The following PHGDH variants were observed in gnomAD, a reference collection of about 807,000 sequenced individuals.
PHGDH encodes D-3-phosphoglycerate dehydrogenase.
A neutral mutation model predicts 52.6 loss-of-function variants in PHGDH; 50 were observed. The observed-to-expected ratio is 0.95, with a 90% confidence interval of 0.76 to 1.20. PHGDH has a LOEUF of 1.20. Among genes scored for constraint, PHGDH ranks in the 50% most tolerant of loss-of-function variants. The pLI is 0.00. For missense variants in PHGDH, 630 were observed against 684.6 expected, an observed-to-expected ratio of 0.92 and a Z score of 0.89; for synonymous variants, 271 against 280.5, an observed-to-expected ratio of 0.97 and a Z score of 0.34.
At chr1:119,732,716 C>T (rs1476459676) in intron 5 of PHGDH, among the ~76,000 whole-genome samples, 2 of 152,244 alleles carry the variant, frequency 1.3e-5, no homozygotes, top group African/African-American at 4.8e-5. Context: ...GTGCTTCGCT[C>T]ACCCCTGAGG....
At chr1:119,717,913 GGGGACTGATGA>G (rs1157045326) in intron 1 of PHGDH, among the ~76,000 whole-genome samples, 9 of 152,218 alleles carry the variant, frequency 5.9e-5, no homozygotes, top group Middle Eastern at 3.4e-3. Flanking sequence ...TGTGAGGATG[GGGGACTGATGA>G]GGGTGGTTTC....
chr1:119,721,743 T>G (rs147833628), intron 2 of PHGDH: 1 of 192,370 alleles, frequency 5.2e-6, no homozygotes, highest in East Asian at 1.3e-4. Context: ...TCAGCTCTAC[T>G]TTACTGTGCT....
intron 3 of PHGDH, among the ~76,000 whole-genome samples, chr1:119,725,725 G>A (rs1273615050): frequency 6.6e-6 from 1 of 152,220 alleles, no homozygotes; most frequent in Non-Finnish European, 1.5e-5. Context: ...TGAAAGCACG[G>A]AAGTAGCAGC....
At chr1:119,730,381 A>G (rs975772227) in intron 5 of PHGDH, among the ~76,000 whole-genome samples, 1 of 152,230 alleles carries the variant, frequency 6.6e-6, no homozygotes, top group African/African-American at 2.4e-5. Flanking sequence ...AAAGGAATGC[A>G]TTCTCATATA....
At chr1:119,722,910 A>T (rs930664586) in intron 2 of PHGDH, among the ~76,000 whole-genome samples, 33 of 151,948 alleles carry the variant, frequency 2.2e-4, no homozygotes, top group Middle Eastern at 3.4e-3. Flanking sequence ...AAAAAAAAAA[A>T]AAAAAGCCAG....
In PHGDH at chr1:119,741,733, C is replaced by T. The variant is rs761486082; in HGVS notation, c.1079-34C>T. ...GCCCCCTCCTGTAGTGCTCAACAAA[C>T]AGTGACCTCATGGTAGCTTCTCTCT... On this transcript the variant is annotated intron_variant, in intron 9 of 11. Transcript: ENST00000641023. 4 of 1,606,260 alleles carry T rather than the reference C, an allele frequency of 2.5e-6. No individual in the cohort carries two copies. The African/African-American group carries it at 5.4e-5, about 22-fold the overall frequency.
Position 119,721,339 on chromosome 1 carries a change from C to A in PHGDH, c.290+18C>A, listed in dbSNP as rs779206688. 1.2e-6 allele frequency: 2 copies of A among 1,610,680 alleles called. No homozygotes were observed. The highest frequency in any genetic ancestry group is 1.1e-5 in the South Asian group (1 of 90,976). ...GTTATGAAGTAAGTCATGGAGGCTG[C>A]GGGCGGTTTGGGGGTAGGGGGGTGA... On this transcript the variant is annotated intron_variant, in intron 2 of 11. Coordinates refer to ENST00000641023, the MANE Select transcript of PHGDH (RefSeq NM_006623.4).
At chr1:119,729,626 G>A (rs1259710834) in intron 5 of PHGDH, 1 of 152,174 alleles carries the variant, frequency 6.6e-6, no homozygotes, top group East Asian at 1.9e-4. Flanking sequence ...GAATGATTGA[G>A]GTGCTAGGTA....
At chr1:119,743,303 G>T (rs1051902155) in intron 11 of PHGDH, among the ~76,000 whole-genome samples, 1 of 152,242 alleles carries the variant, frequency 6.6e-6, no homozygotes, top group African/African-American at 2.4e-5. Flanking sequence ...CTGCCCAGCT[G>T]TGGATCCTCA....
chr1:119,720,461 G>A (rs1344602557), intron 1 of PHGDH: 2 of 152,530 alleles, frequency 1.3e-5, no homozygotes, highest in African/African-American at 4.8e-5. Flanking sequence ...TCAGGGACAG[G>A]GGCTTACAAA....
intron 5 of PHGDH, among the ~76,000 whole-genome samples, chr1:119,733,120 C>T (rs1449605703): frequency 1.3e-5 from 2 of 152,076 alleles, no homozygotes; most frequent in Non-Finnish European, 2.9e-5. Flanking sequence ...AGACCACCAG[C>T]GTTCTGAGCT....
chr1:119,733,334 ATTTTG>A (rs1322021031), intron 5 of PHGDH, among the ~76,000 whole-genome samples: 1 of 147,674 alleles, frequency 6.8e-6, no homozygotes, highest in Non-Finnish European at 1.5e-5. Flanking sequence ...GTTCTTTTTT[ATTTTG>A]TTTTATTTTT....
intron 5 of PHGDH, among the ~76,000 whole-genome samples, chr1:119,728,898 T>C (rs1231084778): frequency 6.6e-6 from 1 of 152,254 alleles, no homozygotes; most frequent in African/African-American, 2.4e-5. Flanking sequence ...TCTCCCTTTT[T>C]CTACATCCCT....
chr1:119,722,672 A>G (rs982471602), intron 2 of PHGDH, among the ~76,000 whole-genome samples: 1 of 151,844 alleles, frequency 6.6e-6, no homozygotes. Context: ...ACTTGGGCCC[A>G]GGAGTTTGAG....
chr1:119,722,106 G>A (rs587664422), intron 2 of PHGDH, among the ~76,000 whole-genome samples: 3 of 152,330 alleles, frequency 2.0e-5, no homozygotes, highest in African/African-American at 7.2e-5. Flanking sequence ...TCACCTGACT[G>A]AAGTCAATAT....
chr1:119,742,855 G>A lies in PHGDH; in HGVS notation c.1258G>A (p.Glu420Lys), dbSNP rs140979375. 2.9e-4 allele frequency: 463 copies of A among 1,613,764 alleles called. No individual in the cohort carries two copies. The highest frequency in any genetic ancestry group is 3.7e-4 in the Non-Finnish European group (441 of 1,179,840). The change falls in exon 11 of 12, where the codon GAA becomes AAA. Residue 420 changes from glutamate to lysine, a missense_variant. Glu to Lys is a moderately conservative substitution (Grantham distance 56, BLOSUM62 1). Transcript: ENST00000641023. ...TGCACCAGGGGAGCAAGGCTTCGGG[G>A]AATGCCTCCTGGCCGTGGCCCTGGC... is the stretch of plus-strand genomic sequence containing the variant. ...PAAPGEQGFGECLLAVALAGA... is the reference protein window; with the variant it reads ...PAAPGEQGFGKCLLAVALAGA...
intron 1 of PHGDH, chr1:119,713,566 C>T (rs587707952): frequency 2.6e-5 from 4 of 152,386 alleles, no homozygotes; most frequent in African/African-American, 9.6e-5. Context: ...TTTGCGTGTT[C>T]CCCTTCTGGA....
At chr1:119,721,437 A>G (rs1651162403) in intron 2 of PHGDH, 116 bp downstream of exon 2, 3 of 1,025,422 alleles carry the variant, frequency 2.9e-6, no homozygotes, top group African/African-American at 1.6e-5. Context: ...AAGGGCTTCC[A>G]GGAGGATGCC....
At chr1:119,715,269 A>G (rs1570984558) in intron 1 of PHGDH, among the ~76,000 whole-genome samples, 1 of 152,234 alleles carries the variant, frequency 6.6e-6, no homozygotes. Context: ...TAAACTAAAC[A>G]CTGGTAATGG....
Sources: allele counts gnomAD v4.1 joint callset (sites outside exome capture counted in the v4.1 genomes callset), GRCh38; gene constraint gnomAD v4.1.1; transcripts MANE v1.5; gene names NCBI Gene and HGNC (gene_info 2026-07-23, HGNC 2026-07-21).